PPP1R9A: variants seen among roughly 807,000 people sequenced by gnomAD.
The protein encoded by PPP1R9A is protein phosphatase 1 regulatory subunit 9A, also known as neurabin-1.
In PPP1R9A, 59 loss-of-function variants were observed where a neutral mutation model predicts 141.9. The observed-to-expected ratio is 0.42, with a 90% CI of 0.34 to 0.52. The LOEUF is 0.52. PPP1R9A is among the 20% of genes least tolerant of loss of function. The pLI is 0.10. For missense variants in PPP1R9A, 1,444 were observed against 1,611.9 expected (o/e 0.90, Z 1.78); for synonymous variants, 500 against 569.7 (o/e 0.88, Z 1.74).
chr7:95,119,987 C>T (rs1220957809), intron 3 of PPP1R9A, among the ~76,000 whole-genome samples: 11 of 135,816 alleles, frequency 8.1e-5, no homozygotes, highest in African/African-American at 2.2e-4. Context: ...GATGGAGTCT[C>T]GCTTTGTCAC....
intron 2 of PPP1R9A, among the ~76,000 whole-genome samples, chr7:95,088,399 G>C (rs1448455203): frequency 6.6e-6 from 1 of 151,790 alleles, no homozygotes; most frequent in East Asian, 1.9e-4. Context: ...TCAGTATTAT[G>C]TGCTTTCTAA....
intron 7 of PPP1R9A, among the ~76,000 whole-genome samples, chr7:95,208,117 G>A (rs1318078362): frequency 1.3e-5 from 2 of 152,134 alleles, no homozygotes; most frequent in African/African-American, 4.8e-5. Context: ...CATTTCACAT[G>A]CTTTAAAATG....
At chr7:94,967,387 A>T (rs1487811366) in intron 2 of PPP1R9A, among the ~76,000 whole-genome samples, 1 of 151,512 alleles carries the variant, frequency 6.6e-6, no homozygotes, top group East Asian at 1.9e-4. Flanking sequence ...TTGCTTCTCT[A>T]GTTCTTTTAA....
intron 3 of PPP1R9A, among the ~76,000 whole-genome samples, chr7:95,112,503 T>C (rs912116694): frequency 6.6e-6 from 1 of 152,158 alleles, no homozygotes; most frequent in African/African-American, 2.4e-5. Context: ...AGTGTGGAGA[T>C]TTCTCAAATA....
chr7:94,986,241 T>C (rs1202534373), intron 2 of PPP1R9A, among the ~76,000 whole-genome samples: 1 of 152,214 alleles, frequency 6.6e-6, no homozygotes, highest in Non-Finnish European at 1.5e-5. Flanking sequence ...TTTTCCAATA[T>C]TCTTGTCCAC....
chr7:95,067,610 AAC>A (rs774840852), intron 2 of PPP1R9A, among the ~76,000 whole-genome samples: 10 of 151,978 alleles, frequency 6.6e-5, no homozygotes, highest in Admixed American at 3.3e-4. Flanking sequence ...TGATAATAAT[AAC>A]ACAGTCATCC....
At chr7:95,214,740 C>T (rs1174151996) in intron 7 of PPP1R9A, among the ~76,000 whole-genome samples, 1 of 152,076 alleles carries the variant, frequency 6.6e-6, no homozygotes, top group African/African-American at 2.4e-5. Flanking sequence ...GGGATAAAAA[C>T]TAAAGAATGG....
chr7:95,295,828 G>A lies in PPP1R9A; in HGVS notation c.*5525G>A, dbSNP rs944862422. On this transcript the variant is annotated 3_prime_UTR_variant, in exon 20 of 20. Transcript: ENST00000433360. ...CTCCCAACAACATGAAATTTAGTTA[G>A]TGCTTAGTGAAATTCCTTAAATATA... is the stretch of plus-strand genomic sequence containing the variant. 13 of 152,582 alleles carry A rather than the reference G, an allele frequency of 8.5e-5. No homozygotes were observed. Among genetic ancestry groups the A allele is most frequent in the African/African-American group, 3.1e-4 (13 of 41,446 alleles). The allele number at this position is 152,582 out of a possible 1,614,324, so 9.5% of individuals were successfully genotyped here.
At chr7:95,271,938 G>T (rs1277138647) in intron 14 of PPP1R9A, among the ~76,000 whole-genome samples, 1 of 152,114 alleles carries the variant, frequency 6.6e-6, no homozygotes, top group Admixed American at 6.6e-5. Flanking sequence ...GGATTTAATC[G>T]ATTTTAAATG....
Position 95,231,666 on chromosome 7 carries a change from A to T in PPP1R9A, c.2112+5550A>T, listed in dbSNP as rs553957699. On this transcript the variant is annotated intron_variant, in intron 8 of 19. Coordinates refer to ENST00000433360, the MANE Select transcript of PPP1R9A (RefSeq NM_001166160.2). ...AATGATTGTTGGGTCAACAATCAAG[A>T]TGGAAATTTAAAAGTTATTCGAACT... Among the ~76,000 whole-genome samples, 6 of 152,174 alleles carry T rather than the reference A, an allele frequency of 3.9e-5. No homozygotes were observed. In the East Asian group the frequency reaches 1.2e-3, roughly 29 times the overall value.
intron 2 of PPP1R9A, among the ~76,000 whole-genome samples, chr7:94,983,223 G>T (rs1800350957): frequency 6.6e-6 from 1 of 152,086 alleles, no homozygotes; most frequent in Admixed American, 6.6e-5. Context: ...TGCTGTTTTG[G>T]TTACTGTAGC....
Position 94,939,986 on chromosome 7 carries a change from A to G in PPP1R9A, c.1395+28478A>G, listed in dbSNP as rs188700919. Among the ~76,000 whole-genome samples, 617 of 152,110 alleles carry G rather than the reference A, an allele frequency of 4.1e-3. 4 individuals are homozygous for G. Among genetic ancestry groups the G allele is most frequent in the African/African-American group, 0.014 (589 of 41,534 alleles). On this transcript the variant is annotated intron_variant, in intron 2 of 19. Transcript: ENST00000433360. ...AGGAGGTTTTATGTCATTCACTTCT[A>G]TGACCAGCACTTGGTAGGCCCCTAG...
intron 2 of PPP1R9A, among the ~76,000 whole-genome samples, chr7:94,961,306 G>A (rs1018568563): frequency 6.6e-6 from 1 of 151,582 alleles, no homozygotes; most frequent in Middle Eastern, 3.4e-3. Context: ...TGTATTGAAT[G>A]TTTTGTGCTT....
At chr7:94,981,264 C>G (rs1343835104) in intron 2 of PPP1R9A, among the ~76,000 whole-genome samples, 1 of 152,144 alleles carries the variant, frequency 6.6e-6, no homozygotes, top group Non-Finnish European at 1.5e-5. Flanking sequence ...GACACAGTCT[C>G]ACTCTGTCGC....
At chr7:95,289,537 C>T (rs1019236395) in intron 19 of PPP1R9A, among the ~76,000 whole-genome samples, 2 of 152,224 alleles carry the variant, frequency 1.3e-5, no homozygotes, top group South Asian at 2.1e-4. Context: ...CTAAGTTCAT[C>T]GAGCAACCTC....
At chr7:95,148,504 A>T (rs758462116) in intron 4 of PPP1R9A, among the ~76,000 whole-genome samples, 1 of 152,112 alleles carries the variant, frequency 6.6e-6, no homozygotes, top group Admixed American at 6.6e-5. Flanking sequence ...CTTTACAAGA[A>T]TCGGCAATCT....
At position 95,290,330 on chromosome 7, in the gene PPP1R9A, A is replaced by G; in HGVS notation, c.*27A>G. On this transcript the variant is annotated 3_prime_UTR_variant, in exon 20 of 20. Coordinates refer to ENST00000433360, the MANE Select transcript of PPP1R9A (RefSeq NM_001166160.2). ...ACATACCCTCTTACAGATGATGGAG[A>G]TGCTCCAAGAGAAGTCCCCACCTCT... is the stretch of plus-strand genomic sequence containing the variant. The G allele has an allele frequency of 6.3e-7, 1 of 1,586,346 alleles. No individual in the cohort carries two copies. Among genetic ancestry groups the G allele is most frequent in the Middle Eastern group, 1.7e-4 (1 of 5,842 alleles).
At chr7:95,266,616 A>C in intron 12 of PPP1R9A, among the ~76,000 whole-genome samples, 1 of 152,230 alleles carries the variant, frequency 6.6e-6, no homozygotes, top group East Asian at 1.9e-4. Context: ...TCTGAGCTTC[A>C]GGAGAGAAAA....
At chr7:95,014,005 T>G (rs1481307128) in intron 2 of PPP1R9A, among the ~76,000 whole-genome samples, 2 of 152,104 alleles carry the variant, frequency 1.3e-5, no homozygotes, top group African/African-American at 4.8e-5. Context: ...CTTTTTGAAC[T>G]ATTTGAGATA....
Sources: allele counts gnomAD v4.1 joint callset (sites outside exome capture counted in the v4.1 genomes callset), GRCh38; gene constraint gnomAD v4.1.1; transcripts MANE v1.5; gene names NCBI Gene and HGNC (gene_info 2026-07-23, HGNC 2026-07-21).